Variants in SHISA6 observed in about 807,000 individuals in gnomAD.
The protein encoded by SHISA6 is protein shisa-6.
A neutral mutation model predicts 47.9 loss-of-function variants in SHISA6; 22 were observed. The ratio of observed to expected loss-of-function variants is 0.46; its 90% CI spans 0.33 to 0.66. SHISA6 has a LOEUF of 0.66. SHISA6 is among the 30% of genes least tolerant of loss of function. The probability of loss-of-function intolerance (pLI) is 0.02; values close to 1 mark genes in which losing one functional copy is unlikely to be tolerated. For synonymous variants in SHISA6, 388 were observed against 337.8 expected (o/e 1.15, Z -1.63); for missense variants, 680 against 764.6 (o/e 0.89, Z 1.30).
chr17:11,484,107 C>T (rs1037173409), intron 3 of SHISA6, among the ~76,000 whole-genome samples: 2 of 151,886 alleles, frequency 1.3e-5, no homozygotes, highest in Non-Finnish European at 2.9e-5. Flanking sequence ...CATGAATTAA[C>T]GGGACAAAAA....
At chr17:11,390,508 C>A in intron 3 of SHISA6, among the ~76,000 whole-genome samples, 1 of 152,184 alleles carries the variant, frequency 6.6e-6, no homozygotes, top group East Asian at 1.9e-4. Flanking sequence ...CCAGGCCCCA[C>A]CCCAAACCTA....
chr17:11,265,099 C>T (rs1352191489), intron 2 of SHISA6, among the ~76,000 whole-genome samples: 1 of 152,200 alleles, frequency 6.6e-6, no homozygotes, highest in Non-Finnish European at 1.5e-5. Flanking sequence ...TGGTCATCTA[C>T]ATGGCAGCGT....
At chr17:11,313,053 A>AAAATATTCTTAAATATTT (rs1294564469) in intron 2 of SHISA6, among the ~76,000 whole-genome samples, 1 of 152,192 alleles carries the variant, frequency 6.6e-6, no homozygotes, top group Non-Finnish European at 1.5e-5. Context: ...ACTCCTCTAA[A>AAAATATTCTTAAATATTT]AAATATTCTT....
rs1421513210 is a variant in SHISA6, at chr17:11,560,142, T to A, written c.*1838T>A. ...AGTCCACAAACCACAGAGAAAGCAATGGACTGTGTCCTTTCACTGATTTCA... is the reference window on the plus strand; with the variant it reads ...AGTCCACAAACCACAGAGAAAGCAAAGGACTGTGTCCTTTCACTGATTTCA... On this transcript the variant is annotated 3_prime_UTR_variant, in exon 6 of 6. Coordinates refer to ENST00000441885, the MANE Select transcript of SHISA6 (RefSeq NM_207386.4). 4 of 152,226 alleles carry A rather than the reference T, an allele frequency of 2.6e-5. No individual in the cohort carries two copies. The East Asian group carries it at 7.8e-4, about 30-fold the overall frequency. The allele number at this position is 152,226 out of a possible 1,614,324, so 9.4% of individuals were successfully genotyped here. A position where few individuals can be genotyped will look rare whatever the true frequency, so the allele number is the denominator to read the frequency against.
intron 3 of SHISA6, among the ~76,000 whole-genome samples, chr17:11,401,292 C>A (rs1057079681): frequency 9.2e-5 from 14 of 152,166 alleles, no homozygotes; most frequent in African/African-American, 1.2e-4. Context: ...GTCTCCCAGG[C>A]TCAAGTGATC....
intron 2 of SHISA6, among the ~76,000 whole-genome samples, chr17:11,313,402 A>G (rs957908671): frequency 1.3e-5 from 2 of 152,164 alleles, no homozygotes; most frequent in African/African-American, 4.8e-5. Context: ...TCCTTTCTAC[A>G]TACTGTGAAT....
chr17:11,551,790 T>G (rs2071933948), intron 3 of SHISA6, 106 bp from the exon 4 acceptor site: 1 of 994,238 alleles, frequency 1.0e-6, no homozygotes, highest in Non-Finnish European at 1.5e-6. Context: ...AAGTGCTTCC[T>G]TTAAGTCAGA....
At chr17:11,503,738 T>C (rs1037304350) in intron 3 of SHISA6, among the ~76,000 whole-genome samples, 2 of 152,240 alleles carry the variant, frequency 1.3e-5, no homozygotes, top group Non-Finnish European at 2.9e-5. Context: ...TCATGGATGA[T>C]GTTTATCAAT....
chr17:11,537,834 C>T (rs930951132), intron 3 of SHISA6, among the ~76,000 whole-genome samples: 15 of 152,198 alleles, frequency 9.9e-5, no homozygotes, highest in Admixed American at 5.9e-4. Flanking sequence ...CCTCCAGAAA[C>T]ATTCAATGTA....
At chr17:11,398,823 C>A (rs73282878) in intron 3 of SHISA6, among the ~76,000 whole-genome samples, 7,068 of 152,104 alleles carry the variant, frequency 0.046, 503 homozygotes, top group African/African-American at 0.15. Context: ...GATCTCTTGA[C>A]CTTGTGGTCT....
chr17:11,296,409 AC>A (rs556098597), intron 2 of SHISA6, among the ~76,000 whole-genome samples: 93 of 152,114 alleles, frequency 6.1e-4, no homozygotes, highest in Admixed American at 1.3e-3. Context: ...TCAAGGCAAA[AC>A]CAGTGGGGCT....
intron 3 of SHISA6, among the ~76,000 whole-genome samples, chr17:11,392,429 G>A (rs888373092): frequency 2.6e-5 from 4 of 152,250 alleles, no homozygotes; most frequent in African/African-American, 7.2e-5. Context: ...TTGTCCCATC[G>A]GGGTGAGTTC....
chr17:11,438,864 T>G (rs1252536431), intron 3 of SHISA6, among the ~76,000 whole-genome samples: 1 of 152,180 alleles, frequency 6.6e-6, no homozygotes, highest in Non-Finnish European at 1.5e-5. Context: ...GTAGGAGTTA[T>G]GGCAAGATTG....
chr17:11,468,032 C>T (rs531127803), intron 3 of SHISA6, among the ~76,000 whole-genome samples: 119 of 152,166 alleles, frequency 7.8e-4, no homozygotes, highest in African/African-American at 2.6e-3. Flanking sequence ...CAGAGAACAG[C>T]CATATTATTT....
intron 3 of SHISA6, among the ~76,000 whole-genome samples, chr17:11,540,124 C>G (rs989149157): frequency 6.6e-6 from 1 of 152,208 alleles, no homozygotes; most frequent in Admixed American, 6.5e-5. Flanking sequence ...CCCGAACCCC[C>G]ACAGGACATC....
chr17:11,451,519 G>A (rs374920848), intron 3 of SHISA6, among the ~76,000 whole-genome samples: 7 of 152,166 alleles, frequency 4.6e-5, no homozygotes, highest in South Asian at 2.1e-4. Context: ...ATGATAGGTG[G>A]CCTGAGCAAA....
intron 2 of SHISA6, among the ~76,000 whole-genome samples, chr17:11,353,067 A>G (rs1245572078): frequency 6.6e-6 from 1 of 151,770 alleles, no homozygotes; most frequent in Non-Finnish European, 1.5e-5. Context: ...CCATTTTACC[A>G]CTTTTCATGT....
intron 2 of SHISA6, among the ~76,000 whole-genome samples, chr17:11,378,192 A>G (rs960457005): frequency 3.9e-5 from 6 of 152,234 alleles, no homozygotes; most frequent in Non-Finnish European, 7.3e-5. Flanking sequence ...ACCTATTTAT[A>G]TGAGACAAAT....
chr17:11,321,434 T>G (rs1341546675), intron 2 of SHISA6, among the ~76,000 whole-genome samples: 2 of 152,204 alleles, frequency 1.3e-5, no homozygotes, highest in Admixed American at 6.5e-5. Flanking sequence ...ACAATATTAG[T>G]CAGGGATTTG....
Sources: gnomAD v4.1 joint callset for allele counts (sites outside exome capture counted in the v4.1 genomes callset) on GRCh38, gnomAD v4.1.1 for gene constraint, MANE v1.5 for transcripts, NCBI Gene and HGNC (gene_info 2026-07-23, HGNC 2026-07-21) for gene names.